The following TTLL9 variants were observed in gnomAD, a reference collection of about 807,000 sequenced individuals.
TTLL9 encodes the protein tubulin tyrosine ligase like 9.
In TTLL9, 47 loss-of-function variants were observed where a neutral mutation model predicts 65.6. The ratio of observed to expected loss-of-function variants is 0.72; its 90% CI spans 0.57 to 0.91. The LOEUF is 0.91. TTLL9 is among the 40% of genes least tolerant of loss of function. The probability of loss-of-function intolerance (pLI) is 0.00; values close to 1 mark genes in which losing one functional copy is unlikely to be tolerated. For missense variants in TTLL9, 537 were observed against 568.8 expected (o/e 0.94, Z 0.57); for synonymous variants, 179 against 204.8 (o/e 0.87, Z 1.07).
rs182251878 is a variant in TTLL9 at position 31,876,758 on chromosome 20, T to C, written c.69+5563T>C. Among the ~76,000 whole-genome samples, 129 of 152,286 alleles carry C rather than the reference T, an allele frequency of 8.5e-4. 1 individual carries two copies. The highest frequency in any genetic ancestry group is 3.2e-3 in the Admixed American group (49 of 15,282). ...GCCAAATTGCCTCCCAAGGTGTGAATAGCATGTAAAGGCTCCCGTTTCCCC... is the reference window on the plus strand; with the variant it reads ...GCCAAATTGCCTCCCAAGGTGTGAACAGCATGTAAAGGCTCCCGTTTCCCC... On this transcript the variant is annotated intron_variant, in intron 2 of 14. Coordinates refer to ENST00000535842, the MANE Select transcript of TTLL9 (RefSeq NM_001008409.5).
intron 8 of TTLL9, among the ~76,000 whole-genome samples, 198 bp downstream of exon 8, chr20:31,923,251 C>T (rs2063840606): frequency 6.6e-6 from 1 of 152,206 alleles, no homozygotes; most frequent in Non-Finnish European, 1.5e-5. Context: ...GTCCATTCCA[C>T]TCCCTTCTTG....
chr20:31,887,201 A>G lies in TTLL9; in HGVS notation c.75A>G (p.Gln25=). ...TTTTCCTTTCCTCATTGCAGAACCA[A>G]AATTACAAGGGCCATGGATTGTCAA... The part of the protein sequence containing the change: ...AIRCPKKLQN[Q]NYKGHGLSKG... The change falls in exon 3 of 15, where the codon CAA becomes CAG. Residue 25 remains glutamine, a synonymous_variant. Transcript: ENST00000535842. The G allele has an allele frequency of 6.2e-7, 1 of 1,614,188 alleles. No homozygotes were observed. Among genetic ancestry groups the G allele is most frequent in the Non-Finnish European group, 8.5e-7 (1 of 1,180,018 alleles).
Position 31,908,572 on chromosome 20 carries a change from GCCCCCACCCCA to G in TTLL9, c.207-12_207-2del. ...TCCTCAGACCATGACCTTTATCCCC[GCCCCCACCCCA>G]CCCCCAGCGAAGGGGAGTGGGATTT... On this transcript the variant is annotated splice_polypyrimidine_tract_variant and splice_region_variant and intron_variant, in intron 4 of 14. Transcript: ENST00000535842. The G allele has an allele frequency of 2.8e-6, 3 of 1,069,254 alleles. No individual in the cohort carries two copies. The highest frequency in any genetic ancestry group is 4.3e-6 in the Non-Finnish European group (3 of 692,108). The allele number at this position is 1,069,254 out of a possible 1,614,324, so 66.2% of individuals were successfully genotyped here. A position where few individuals can be genotyped will look rare whatever the true frequency, so the allele number is the denominator to read the frequency against.
intron 2 of TTLL9, among the ~76,000 whole-genome samples, chr20:31,885,986 C>T (rs553647660): frequency 2.6e-5 from 4 of 152,342 alleles, no homozygotes; most frequent in East Asian, 3.9e-4. Flanking sequence ...GAGCAGTCCC[C>T]AGCAGACAGC....
intron 7 of TTLL9, among the ~76,000 whole-genome samples, chr20:31,922,190 G>A (rs2063824998): frequency 6.6e-6 from 1 of 151,706 alleles, no homozygotes; most frequent in Non-Finnish European, 1.5e-5. Flanking sequence ...GCTTGAACCC[G>A]AGAGGTGGAG....
chr20:31,898,195 C>T (rs1318520305), intron 3 of TTLL9, among the ~76,000 whole-genome samples: 3 of 152,190 alleles, frequency 2.0e-5, no homozygotes, highest in East Asian at 1.9e-4. Context: ...CTTATCATTT[C>T]ATGTAAGGAT....
chr20:31,916,993 A>T (rs1182304833), intron 6 of TTLL9, among the ~76,000 whole-genome samples: 1 of 152,186 alleles, frequency 6.6e-6, no homozygotes, highest in Admixed American at 6.5e-5. Flanking sequence ...AAGGAAGAAG[A>T]GGAAGGAAAG....
chr20:31,890,150 C>CTTCT (rs1555810120), intron 3 of TTLL9, among the ~76,000 whole-genome samples: 3 of 16,744 alleles, frequency 1.8e-4, no homozygotes, highest in Non-Finnish European at 3.5e-4. Flanking sequence ...TCCTTCCTTC[C>CTTCT]TTCCTTCTTT....
intron 2 of TTLL9, among the ~76,000 whole-genome samples, chr20:31,878,105 C>A (rs973552172): frequency 6.6e-6 from 1 of 152,084 alleles, no homozygotes; most frequent in Admixed American, 6.5e-5. Context: ...TTCTACATAT[C>A]TTATATTTCT....
chr20:31,879,554 A>G, intron 2 of TTLL9: 1 of 351,726 alleles, frequency 2.8e-6, no homozygotes, highest in Non-Finnish European at 5.2e-6. Flanking sequence ...ACAACTTTTC[A>G]GATGCAGCGC....
Position 31,871,158 on chromosome 20 carries a change from CA to C in TTLL9, c.33del (p.Gly12AlafsTer40), listed in dbSNP as rs2062923878. MVPSREALLGPGTTAIRCPKK... is the reference protein window; with the variant it reads MVPSREALLGXGTTAIRCPKK... ...CCATCCAGGGAAGCTCTGCTGGGAC[CA>C]GGCACAACTGCCATTAGGTGCCCCA... On this transcript the variant is annotated frameshift_variant, in exon 2 of 15. Coordinates refer to ENST00000535842, the MANE Select transcript of TTLL9 (RefSeq NM_001008409.5). LOFTEE classifies it high-confidence loss of function. 1.2e-6 allele frequency: 2 copies of C among 1,614,026 alleles called. No homozygotes were observed. The highest frequency in any genetic ancestry group is 1.3e-5 in the African/African-American group (1 of 74,886).
intron 10 of TTLL9, among the ~76,000 whole-genome samples, chr20:31,929,288 T>G (rs1268780348): frequency 3.3e-5 from 5 of 152,216 alleles, no homozygotes; most frequent in Non-Finnish European, 7.3e-5. Context: ...TATGAATTGT[T>G]TCTACAATGG....
intron 5 of TTLL9, 152 bp from the exon 6 acceptor site, chr20:31,909,585 G>C: frequency 1.5e-6 from 1 of 659,322 alleles, no homozygotes; most frequent in Non-Finnish European, 2.6e-6. Context: ...TTCTTGACTA[G>C]CAAGCTCTTT....
chr20:31,897,180 T>C (rs1214742697), intron 3 of TTLL9, among the ~76,000 whole-genome samples: 1 of 152,248 alleles, frequency 6.6e-6, no homozygotes, highest in Non-Finnish European at 1.5e-5. Flanking sequence ...TGGGAGGTTT[T>C]GAATTATGAA....
At chr20:31,927,615 G>A (rs1245600391) in intron 10 of TTLL9, among the ~76,000 whole-genome samples, 2 of 152,080 alleles carry the variant, frequency 1.3e-5, no homozygotes, top group African/African-American at 2.4e-5. Context: ...TGAGCCATGT[G>A]AATGTATTAT....
intron 2 of TTLL9, among the ~76,000 whole-genome samples, chr20:31,877,200 A>T (rs889368371): frequency 1.4e-4 from 22 of 152,172 alleles, no homozygotes; most frequent in Non-Finnish European, 2.5e-4. Flanking sequence ...GTGCAGTGGC[A>T]TGATCTCGGC....
At chr20:31,893,772 C>A (rs2063343389) in intron 3 of TTLL9, among the ~76,000 whole-genome samples, 1 of 151,298 alleles carries the variant, frequency 6.6e-6, no homozygotes, top group Non-Finnish European at 1.5e-5. Context: ...AATTGAGCAT[C>A]TTGGATCTGT....
At position 31,887,222 on chromosome 20, in the gene TTLL9, G is replaced by T; in HGVS notation, c.96G>T (p.Leu32Phe). ...ACCAAAATTACAAGGGCCATGGATT[G>T]TCAAAGGGAAAAGAGCGGTGAGTGG... Reference protein sequence around the residue: ...LQNQNYKGHGLSKGKEREQRA... With the variant: ...LQNQNYKGHGFSKGKEREQRA... Residue 32 changes from leucine (L) to phenylalanine (F), a missense_variant, in exon 3 of 15, where the codon TTG becomes TTT. Physicochemically the swap from Leu to Phe is conservative, Grantham distance 22 (BLOSUM62 0). Around this residue, in one of 3 missense-constraint regions of TTLL9, gnomAD observed 320 missense variants for 311.0 expected, o/e 1.03. Coordinates refer to ENST00000535842, the MANE Select transcript of TTLL9 (RefSeq NM_001008409.5). 6.2e-7 allele frequency: 1 copy of T among 1,614,200 alleles called. No homozygotes were observed. Among genetic ancestry groups the T allele is most frequent in the Non-Finnish European group, 8.5e-7 (1 of 1,180,048 alleles).
chr20:31,894,074 C>CCCT (rs1196739583), intron 3 of TTLL9, among the ~76,000 whole-genome samples: 2 of 149,676 alleles, frequency 1.3e-5, no homozygotes, highest in Non-Finnish European at 3.0e-5. Flanking sequence ...TTATAGTTTT[C>CCCT]CCTTCTAGAA....
Sources: gnomAD v4.1 joint callset for allele counts (sites outside exome capture counted in the v4.1 genomes callset) on GRCh38, gnomAD v4.1.1 for gene constraint, gnomAD v4.1.1 regional missense constraint, MANE v1.5 for transcripts, NCBI Gene and HGNC (gene_info 2026-07-23, HGNC 2026-07-21) for gene names.